Variants in FHIT observed in about 807,000 individuals in gnomAD.
The protein encoded by FHIT is fragile histidine triad diadenosine triphosphatase, also known as bis(5'-adenosyl)-triphosphatase.
Under a neutral mutation model 17.9 loss-of-function variants are expected in FHIT, and 19 were observed. The observed-to-expected ratio is 1.06, with a 90% CI of 0.74 to 1.56. FHIT has a LOEUF of 1.56. FHIT is among the 40% of genes most tolerant of loss of function. The pLI is 0.00. For missense variants in FHIT, 248 were observed against 189.2 expected (o/e 1.31, Z -1.82); for synonymous variants, 81 against 69.7 (o/e 1.16, Z -0.81).
At chr3:60,181,135 A>G (rs1396157091) in intron 5 of FHIT, among the ~76,000 whole-genome samples, 1 of 135,426 alleles carries the variant, frequency 7.4e-6, no homozygotes, top group South Asian at 2.4e-4. Context: ...ACAGATTACA[A>G]ATTTTTTTAA....
intron 5 of FHIT, among the ~76,000 whole-genome samples, chr3:60,442,781 T>C (rs1234047362): frequency 6.6e-6 from 1 of 152,154 alleles, no homozygotes; most frequent in Non-Finnish European, 1.5e-5. Context: ...CATAAGAACT[T>C]TAAAGTAATT....
At chr3:60,524,298 G>A (rs2035492063) in intron 5 of FHIT, among the ~76,000 whole-genome samples, 1 of 152,006 alleles carries the variant, frequency 6.6e-6, no homozygotes, top group Admixed American at 6.6e-5. Context: ...GGAACGTCAT[G>A]TGGTAGGGGT....
chr3:59,878,232 G>A (rs1703250555), intron 8 of FHIT, among the ~76,000 whole-genome samples: 1 of 152,058 alleles, frequency 6.6e-6, no homozygotes, highest in Admixed American at 6.6e-5. Flanking sequence ...TTTTTCCCAA[G>A]GCCATGGTTA....
intron 5 of FHIT, among the ~76,000 whole-genome samples, chr3:60,370,020 T>C (rs998206146): frequency 6.6e-6 from 1 of 152,216 alleles, no homozygotes; most frequent in African/African-American, 2.4e-5. Context: ...ATCTGTATTA[T>C]CCTAATAGAC....
intron 4 of FHIT, among the ~76,000 whole-genome samples, chr3:60,545,019 A>G (rs1294352052): frequency 6.6e-6 from 1 of 152,148 alleles, no homozygotes; most frequent in Non-Finnish European, 1.5e-5. Context: ...CTCTTTTGTC[A>G]AACTGTGTCT....
chr3:60,514,357 A>C (rs2035065821), intron 5 of FHIT, among the ~76,000 whole-genome samples: 3 of 151,910 alleles, frequency 2.0e-5, no homozygotes, highest in Non-Finnish European at 4.4e-5. Flanking sequence ...GTGTTCCTTC[A>C]CTCCGGTTCC....
chr3:61,097,079 A>C (rs1398392909), intron 2 of FHIT, among the ~76,000 whole-genome samples: 2 of 9,802 alleles, frequency 2.0e-4, no homozygotes, highest in African/African-American at 6.6e-4. Context: ...ACTCAATCTC[A>C]AAAAAAAAAA....
chr3:59,866,272 G>A (rs1702644612), intron 8 of FHIT, among the ~76,000 whole-genome samples: 1 of 142,192 alleles, frequency 7.0e-6, no homozygotes, highest in Non-Finnish European at 1.5e-5. Context: ...CCACGCAGAG[G>A]AAGTGGCCAG....
intron 5 of FHIT, among the ~76,000 whole-genome samples, chr3:60,167,108 T>A (rs1701209669): frequency 6.6e-6 from 1 of 152,222 alleles, no homozygotes. Flanking sequence ...GCTCAAAGAC[T>A]GTCTTTCCCC....
At chr3:60,331,086 T>G (rs967412812) in intron 5 of FHIT, among the ~76,000 whole-genome samples, 1 of 152,178 alleles carries the variant, frequency 6.6e-6, no homozygotes, top group Non-Finnish European at 1.5e-5. Context: ...TGTGCAATCT[T>G]AAGTCCAACT....
intron 8 of FHIT, among the ~76,000 whole-genome samples, chr3:59,847,745 A>T (rs2262979): frequency 0.99 from 151,306 of 152,336 alleles, 75,154 homozygotes; most frequent in East Asian, 1. Context: ...GGTTGCTGGT[A>T]TTTGTTTTCA....
chr3:61,006,152 T>C (rs1315507642), intron 3 of FHIT, among the ~76,000 whole-genome samples: 1 of 152,156 alleles, frequency 6.6e-6, no homozygotes, highest in Non-Finnish European at 1.5e-5. Flanking sequence ...AAAGAGAACT[T>C]GTAAAACAGT....
chr3:60,370,318 A>G (rs1700277233), intron 5 of FHIT, among the ~76,000 whole-genome samples: 1 of 152,210 alleles, frequency 6.6e-6, no homozygotes, highest in Non-Finnish European at 1.5e-5. Flanking sequence ...TTCCTTTTCA[A>G]TACACTTTCA....
rs150712913 is a variant in FHIT at position 60,971,685 on chromosome 3, G to C, written c.-111+70362C>G. 9.8e-3 allele frequency among the ~76,000 whole-genome samples: 1,493 copies of C among 152,232 alleles called. 13 individuals carry two copies. Among genetic ancestry groups the C allele is most frequent in the Non-Finnish European group, 0.017 (1,171 of 68,002 alleles). ...TTGCAGTTAGATCTAGAGGCATGCA[G>C]ATTCAAGTTCATTTGTTTTGTTTTT... is the stretch of plus-strand genomic sequence containing the variant. On this transcript the variant is annotated intron_variant, in intron 3 of 9. Transcript: ENST00000492590.
intron 3 of FHIT, among the ~76,000 whole-genome samples, chr3:60,926,780 A>G (rs1184890500): frequency 6.6e-6 from 1 of 152,346 alleles, no homozygotes; most frequent in South Asian, 2.1e-4. Context: ...GTTTTTTGAA[A>G]AGATCAACAA....
intron 3 of FHIT, among the ~76,000 whole-genome samples, chr3:60,826,207 A>AAGGT (rs1702116258): frequency 8.0e-6 from 1 of 124,944 alleles, no homozygotes; most frequent in Non-Finnish European, 1.7e-5. Flanking sequence ...GGAAGGAAGG[A>AAGGT]AGGAAAGAAG....
chr3:61,206,069 T>C (rs1423949302), intron 1 of FHIT, among the ~76,000 whole-genome samples: 2 of 128,076 alleles, frequency 1.6e-5, no homozygotes, highest in Admixed American at 8.6e-5. Context: ...ATTTATTAAA[T>C]AGGGAATCCT....
At chr3:60,346,488 G>C (rs1202203396) in intron 5 of FHIT, among the ~76,000 whole-genome samples, 1 of 152,210 alleles carries the variant, frequency 6.6e-6, no homozygotes, top group Non-Finnish European at 1.5e-5. Flanking sequence ...CCTTACCCAG[G>C]GGAGGAGCCT....
At chr3:60,313,722 A>C (rs1047976497) in intron 5 of FHIT, among the ~76,000 whole-genome samples, 2 of 93,028 alleles carry the variant, frequency 2.1e-5, no homozygotes, top group African/African-American at 8.7e-5. Context: ...GGGGAGCAAA[A>C]GCATAGCATT....
Sources: gnomAD v4.1 joint callset for allele counts (sites outside exome capture counted in the v4.1 genomes callset) on GRCh38, gnomAD v4.1.1 for gene constraint, MANE v1.5 for transcripts, NCBI Gene and HGNC (gene_info 2026-07-23, HGNC 2026-07-21) for gene names.